The following HPS1 variants were observed in gnomAD, a reference collection of about 807,000 sequenced individuals.
HPS1 encodes BLOC-3 complex member HPS1.
HPS1 carries 59 observed loss-of-function variants against 90.6 expected under a neutral mutation model. The ratio of observed to expected loss-of-function variants is 0.65; its 90% CI spans 0.53 to 0.81. The LOEUF is 0.81. HPS1 is among the 30% of genes least tolerant of loss of function. The pLI is 0.00. For synonymous variants in HPS1, 388 were observed against 384.4 expected (o/e 1.01, Z -0.11); for missense variants, 849 against 896.7 (o/e 0.95, Z 0.68).
At position 98,437,962 on chromosome 10, in the gene HPS1, C is replaced by A. The variant is rs117988581; in HGVS notation, c.118-2190G>T. On this transcript the variant is annotated intron_variant, in intron 3 of 19. Coordinates refer to ENST00000361490, the MANE Select transcript of HPS1 (RefSeq NM_000195.5). ...CTCATGAAAATGAGTGAGTCCTCAC[C>A]AGATCTGATGGTTTTATAAGGGGCT... Among the ~76,000 whole-genome samples the A allele has an allele frequency of 9.3e-3, 1,413 of 152,238 alleles. 12 individuals carry two copies. Among genetic ancestry groups the A allele is most frequent in the Non-Finnish European group, 0.013 (903 of 68,018 alleles).
In HPS1 at chr10:98,430,642, C is replaced by G. The variant is rs535690375; in HGVS notation, c.697G>C (p.Asp233His). ...ACCAGGAGGATGAGGGCAAGCAGGT[C>G]GGCCGGGCGCAGGGAGCTGGCACTG... ...SHSASSLRPA[D>H]LLALILLVQD... Residue 233 changes from aspartate to histidine, a missense_variant, in exon 8 of 20, where the codon GAC becomes CAC. Transcript: ENST00000361490. 3.6e-5 allele frequency: 56 copies of G among 1,554,984 alleles called. 1 individual carries two copies. The highest frequency in any genetic ancestry group is 4.8e-5 in the Non-Finnish European group (55 of 1,148,710).
Position 98,425,591 on chromosome 10 carries a change from G to A in HPS1, c.1285C>T (p.Arg429Cys), listed in dbSNP as rs770233681. The A allele has an allele frequency of 6.8e-6, 11 of 1,613,684 alleles. No homozygotes were observed. The highest frequency in any genetic ancestry group is 4.5e-5 in the East Asian group (2 of 44,850). The change falls in exon 13 of 20, where the codon CGC (arginine) becomes TGC (cysteine). Residue 429 changes from arginine to cysteine, a missense_variant. By Grantham distance (180) the Arg-to-Cys change is radical (BLOSUM62 -3). Coordinates refer to ENST00000361490, the MANE Select transcript of HPS1 (RefSeq NM_000195.5). ...LRSQPLVGDL[R>C]QRMDKFVKNR... ...TTGACAAACTTGTCCATCCTCTGGC[G>A]CAGGTCTCCCACGAGGGGCTGGGAG... is the stretch of plus-strand genomic sequence containing the variant.
intron 3 of HPS1, among the ~76,000 whole-genome samples, chr10:98,441,913 G>C (rs1564872438): frequency 6.6e-6 from 1 of 152,170 alleles, no homozygotes; most frequent in East Asian, 1.9e-4. Flanking sequence ...CTTTGGAAAA[G>C]TTTGGCAGTT....
rs281865073 is a variant in HPS1 at position 98,435,721 on chromosome 10, AGAT to A, written c.166_168del (p.Ile56del). 2 of 1,614,022 alleles carry A rather than the reference AGAT, an allele frequency of 1.2e-6. No individual in the cohort carries two copies. The highest frequency in any genetic ancestry group is 2.7e-5 in the African/African-American group (2 of 74,908). ...AGCTTCTCCAGCATCGTCATGGAGG[AGAT>A]GATGACCGGGGCTAGGAGGGTGCTG... On this transcript the variant is annotated inframe_deletion, in exon 4 of 20. Transcript: ENST00000361490. This position sits in a 1 kb window ranked among gnomAD's most constrained non-coding sequence, Gnocchi z 4.3.
At chr10:98,421,349 G>T (rs1844827268) in intron 17 of HPS1, among the ~76,000 whole-genome samples, 1 of 152,144 alleles carries the variant, frequency 6.6e-6, no homozygotes, top group Admixed American at 6.5e-5. Flanking sequence ...ATGTATGCAA[G>T]GTGTATACTG....
chr10:98,428,852 T>C (rs1845963209), intron 10 of HPS1, among the ~76,000 whole-genome samples: 1 of 152,004 alleles, frequency 6.6e-6, no homozygotes, highest in African/African-American at 2.4e-5. Context: ...TGTTTTGTTT[T>C]TTTTTTTGAG....
At chr10:98,439,602 C>T (rs1472296665) in intron 3 of HPS1, among the ~76,000 whole-genome samples, 4 of 152,168 alleles carry the variant, frequency 2.6e-5, no homozygotes, top group Non-Finnish European at 2.9e-5. Flanking sequence ...TTGGAAGTAA[C>T]TTGTTTTTTA....
chr10:98,422,545 A>T, intron 16 of HPS1, 32 bp from the exon 17 acceptor site: 1 of 1,612,254 alleles, frequency 6.2e-7, no homozygotes, highest in East Asian at 2.2e-5. Context: ...CTTACAAGCC[A>T]GGAGCTAGGG....
chr10:98,420,881 T>C (rs1015243503), intron 17 of HPS1, among the ~76,000 whole-genome samples: 1 of 152,160 alleles, frequency 6.6e-6, no homozygotes, highest in Admixed American at 6.5e-5. Context: ...GGCTGGGAAC[T>C]GATGGCACAG....
rs765995574 is a variant in HPS1, at chr10:98,422,459, A to G, written c.1653T>C (p.Thr551=). The G allele has an allele frequency of 5.0e-6, 8 of 1,614,016 alleles. No homozygotes were observed. The highest frequency in any genetic ancestry group is 6.8e-6 in the Non-Finnish European group (8 of 1,179,898). ...TGAGGGAAGGCGCCACCATCTGCCC[A>G]GTGGTGCGGTCCACATAGATGAAGT... The part of the protein sequence containing the change: ...LVHFIYVDRT[T]GQMVAPSLNC... Residue 551 remains threonine (T), a synonymous_variant, in exon 17 of 20, where the codon ACT becomes ACC. Transcript: ENST00000361490.
chr10:98,438,587 GCTCTAAAAAGCACT>G (rs1472522222), intron 3 of HPS1, among the ~76,000 whole-genome samples: 1 of 152,202 alleles, frequency 6.6e-6, no homozygotes, highest in African/African-American at 2.4e-5. Flanking sequence ...TGACTTGGGT[GCTCTAAAAAGCACT>G]CAGTTTTATG....
chr10:98,417,848 C>T lies in HPS1; in HGVS notation c.1941-122G>A. 1 of 917,400 alleles carries T rather than the reference C, an allele frequency of 1.1e-6. No individual in the cohort carries two copies. Among genetic ancestry groups the T allele is most frequent in the East Asian group, 2.6e-5 (1 of 38,416 alleles). 56.8% of individuals were successfully genotyped at this position (917,400 alleles called of 1,614,324 possible). ...CCTCGGTCATCTCACTAGGCCCCTG[C>T]ATGTGGGCCTTGACAACCGCTCCGG... On this transcript the variant is annotated intron_variant, in intron 19 of 19. Coordinates refer to ENST00000361490, the MANE Select transcript of HPS1 (RefSeq NM_000195.5). This position sits in a 1 kb window ranked among gnomAD's most constrained non-coding sequence, Gnocchi z 4.2.
intron 3 of HPS1, chr10:98,442,473 C>T (rs1938600838): frequency 1.3e-5 from 2 of 159,190 alleles, no homozygotes; most frequent in South Asian, 3.6e-4. Flanking sequence ...GTTAATCATA[C>T]CTTAATACAG....
At chr10:98,421,006 A>G (rs1282596456) in intron 17 of HPS1, among the ~76,000 whole-genome samples, 1 of 152,180 alleles carries the variant, frequency 6.6e-6, no homozygotes, top group Non-Finnish European at 1.5e-5. Flanking sequence ...TCCCCTGGGA[A>G]TGTCCTCCTG....
At chr10:98,422,236 G>T in intron 17 of HPS1, 133 bp downstream of exon 17, 1 of 901,310 alleles carries the variant, frequency 1.1e-6, no homozygotes, top group Non-Finnish European at 1.8e-6. Flanking sequence ...TATTTATGCC[G>T]GCACTGGCCA....
At chr10:98,415,517 C>T (rs75241843), downstream of HPS1, among the ~76,000 whole-genome samples, 995 of 152,318 alleles carry the variant, frequency 6.5e-3, 11 homozygotes, top group African/African-American at 0.023. Context: ...GAGTGGAGCT[C>T]GAAAGGGCCC....
rs200573934 is a variant in HPS1, at chr10:98,421,979, GACACACACACACACACAC to G, written c.1743+372_1743+389del. Reference sequence around the variant, plus strand: ...AGAAAGAAAAGAACACACACACACAGACACACACACACACACACACACACACACACACACACGTATAGT... The same window carrying G: ...AGAAAGAAAAGAACACACACACACAGACACACACACACACACACGTATAGT... On this transcript the variant is annotated intron_variant, in intron 17 of 19. Transcript: ENST00000361490. Among the ~76,000 whole-genome samples the G allele has an allele frequency of 5.5e-3, 769 of 140,028 alleles. 3 individuals are homozygous for G. The highest frequency in any genetic ancestry group is 6.6e-3 in the Non-Finnish European group (412 of 62,300). 91.9% of individuals were successfully genotyped at this position (140,028 alleles called of 152,430 possible).
chr10:98,435,503 G>A lies in HPS1; in HGVS notation c.256-89C>T, dbSNP rs72838913. On this transcript the variant is annotated intron_variant, in intron 4 of 19. Coordinates refer to ENST00000361490, the MANE Select transcript of HPS1 (RefSeq NM_000195.5). This position sits in a 1 kb window ranked among gnomAD's most constrained non-coding sequence, Gnocchi z 4.3. Reference sequence around the variant, plus strand: ...TCTGCAGACAAGCCAGGGGAGGCTCGGGTCCCAGGCGGGTTTGATAAGATG... The same window carrying A: ...TCTGCAGACAAGCCAGGGGAGGCTCAGGTCCCAGGCGGGTTTGATAAGATG... The A allele has an allele frequency of 5.3e-4, 852 of 1,609,822 alleles. 1 individual carries two copies. Among genetic ancestry groups the A allele is most frequent in the South Asian group, 1.1e-3 (99 of 90,862 alleles).
intron 8 of HPS1, 32 bp downstream of exon 8, chr10:98,430,539 G>C: frequency 2.0e-6 from 3 of 1,513,178 alleles, no homozygotes; most frequent in Non-Finnish European, 2.7e-6. Context: ...CTCCCTAATG[G>C]CCTCCCTCTG....
Sources: allele counts gnomAD v4.1 joint callset (sites outside exome capture counted in the v4.1 genomes callset), GRCh38; gene constraint gnomAD v4.1.1; non-coding constraint Gnocchi (gnomAD v3.1); transcripts MANE v1.5; gene names NCBI Gene and HGNC (gene_info 2026-07-23, HGNC 2026-07-21).